The following CSMD1 variants were observed in gnomAD, a reference collection of about 807,000 sequenced individuals.
CSMD1 encodes the protein CUB and sushi domain-containing protein 1.
Under a neutral mutation model 417.5 loss-of-function variants are expected in CSMD1, and 213 were observed. The ratio of observed to expected loss-of-function variants is 0.51; its 90% CI spans 0.46 to 0.57. The LOEUF is 0.57. Ranked by LOEUF, CSMD1 falls within the 20% of genes least tolerant of loss-of-function variation. CSMD1 has a pLI of 0.00. For missense variants in CSMD1, 6,923 were observed against 4,529.7 expected, an observed-to-expected ratio of 1.53 and a Z score of -15.17; for synonymous variants, 2,862 against 1,736.8, an observed-to-expected ratio of 1.65 and a Z score of -16.11.
intron 1 of CSMD1, among the ~76,000 whole-genome samples, chr8:4,642,423 C>T (rs975894541): frequency 6.6e-6 from 1 of 152,178 alleles, no homozygotes; most frequent in Non-Finnish European, 1.5e-5. Flanking sequence ...CGGGCTGTTG[C>T]TCTGTAATTC....
chr8:4,756,074 A>G (rs1420033323), intron 1 of CSMD1, among the ~76,000 whole-genome samples: 4 of 152,220 alleles, frequency 2.6e-5, no homozygotes, highest in Non-Finnish European at 1.5e-5. Context: ...TAAAACAAAG[A>G]CCTTTATTCT....
intron 3 of CSMD1, among the ~76,000 whole-genome samples, chr8:4,373,134 G>C (rs1184201033): frequency 1.3e-5 from 2 of 152,120 alleles, no homozygotes; most frequent in African/African-American, 4.8e-5. Context: ...AAAAACATCA[G>C]ACACCTCCCT....
intron 3 of CSMD1, among the ~76,000 whole-genome samples, chr8:4,275,667 G>C (rs905473169): frequency 6.6e-6 from 1 of 152,048 alleles, no homozygotes; most frequent in South Asian, 2.1e-4. Flanking sequence ...TGCAAAAATT[G>C]TATACGTTTT....
At chr8:3,024,084 A>C (rs1428665908) in intron 51 of CSMD1, among the ~76,000 whole-genome samples, 1 of 152,092 alleles carries the variant, frequency 6.6e-6, no homozygotes. Flanking sequence ...GGGGTTTATC[A>C]CACACTTATT....
At chr8:4,980,710 G>A (rs56234357) in intron 1 of CSMD1, among the ~76,000 whole-genome samples, 6,318 of 152,098 alleles carry the variant, frequency 0.042, 172 homozygotes, top group Non-Finnish European at 0.06. Context: ...CAAGACCAGC[G>A]TGGACAACAG....
At chr8:3,837,543 C>A (rs575785985) in intron 5 of CSMD1, among the ~76,000 whole-genome samples, 5 of 152,224 alleles carry the variant, frequency 3.3e-5, no homozygotes, top group South Asian at 2.1e-4. Context: ...AACACAGCCC[C>A]CAAGATAACA....
chr8:3,321,705 C>G (rs1806166796), intron 23 of CSMD1, among the ~76,000 whole-genome samples: 1 of 152,102 alleles, frequency 6.6e-6, no homozygotes, highest in African/African-American at 2.4e-5. Flanking sequence ...TCTGTAAGTG[C>G]TTTTGATTCA....
intron 47 of CSMD1, among the ~76,000 whole-genome samples, chr8:3,095,355 AC>A (rs1815226539): frequency 6.6e-6 from 1 of 152,106 alleles, no homozygotes; most frequent in Non-Finnish European, 1.5e-5. Context: ...AACAAGAGAA[AC>A]CCCATTTTTA....
At chr8:4,927,765 T>A (rs190439433) in intron 1 of CSMD1, among the ~76,000 whole-genome samples, 1 of 152,248 alleles carries the variant, frequency 6.6e-6, no homozygotes, top group East Asian at 1.9e-4. Flanking sequence ...CATTTGTCCA[T>A]TTGCTCAGAC....
At chr8:4,164,667 T>C (rs1797353400) in intron 3 of CSMD1, among the ~76,000 whole-genome samples, 1 of 152,100 alleles carries the variant, frequency 6.6e-6, no homozygotes, top group Non-Finnish European at 1.5e-5. Context: ...CGATTGAATT[T>C]TGAGAATATA....
intron 5 of CSMD1, among the ~76,000 whole-genome samples, chr8:3,832,630 G>C (rs868183218): frequency 6.6e-6 from 1 of 152,098 alleles, no homozygotes; most frequent in Admixed American, 6.6e-5. Flanking sequence ...TGAAGGAGTC[G>C]AAGATTTCAA....
At chr8:3,490,573 A>T (rs1426454928) in intron 11 of CSMD1, among the ~76,000 whole-genome samples, 1 of 152,068 alleles carries the variant, frequency 6.6e-6, no homozygotes, top group African/African-American at 2.4e-5. Flanking sequence ...TGCATGCATT[A>T]TTTCATTTTT....
chr8:3,259,382 C>T (rs191498968), intron 26 of CSMD1, among the ~76,000 whole-genome samples: 206 of 152,214 alleles, frequency 1.4e-3, no homozygotes, highest in African/African-American at 4.8e-3. Flanking sequence ...ATGGAGGCTG[C>T]AGGTTTACGG....
At chr8:4,206,482 A>T (rs1799989644) in intron 3 of CSMD1, among the ~76,000 whole-genome samples, 1 of 152,100 alleles carries the variant, frequency 6.6e-6, no homozygotes, top group African/African-American at 2.4e-5. Flanking sequence ...AATGGTTTCC[A>T]GCTTCGTCCA....
intron 3 of CSMD1, among the ~76,000 whole-genome samples, chr8:4,318,109 A>G (rs190886163): frequency 4.5e-4 from 69 of 152,266 alleles, no homozygotes; most frequent in African/African-American, 1.6e-3. Flanking sequence ...AGCTGTACCC[A>G]TTCCAAAATT....
intron 1 of CSMD1, among the ~76,000 whole-genome samples, chr8:4,934,878 T>C (rs201840172): frequency 5.3e-5 from 8 of 152,174 alleles, no homozygotes; most frequent in Admixed American, 4.6e-4. Context: ...ACATCAATCA[T>C]GTCTATCTGT....
At chr8:4,369,323 T>G (rs1310715674) in intron 3 of CSMD1, among the ~76,000 whole-genome samples, 1 of 151,850 alleles carries the variant, frequency 6.6e-6, no homozygotes, top group Non-Finnish European at 1.5e-5. Flanking sequence ...ATGAATTGAA[T>G]TTTTTTTTAA....
chr8:4,702,550 G>A (rs938276655), intron 1 of CSMD1, among the ~76,000 whole-genome samples: 2 of 152,144 alleles, frequency 1.3e-5, no homozygotes, highest in Non-Finnish European at 2.9e-5. Flanking sequence ...AGACATTCAT[G>A]AATTATAAAT....
At chr8:3,868,030 T>G (rs1344046613) in intron 5 of CSMD1, among the ~76,000 whole-genome samples, 1 of 152,162 alleles carries the variant, frequency 6.6e-6, no homozygotes, top group African/African-American at 2.4e-5. Context: ...CAATCCTGAT[T>G]TGGCCCTGCA....
Sources: gnomAD v4.1 joint callset for allele counts (sites outside exome capture counted in the v4.1 genomes callset) on GRCh38, gnomAD v4.1.1 for gene constraint, MANE v1.5 for transcripts, NCBI Gene and HGNC (gene_info 2026-07-23, HGNC 2026-07-21) for gene names.